Variants in FOXP2 observed in about 807,000 individuals in gnomAD.
The protein encoded by FOXP2 is forkhead box P2.
In FOXP2, 12 loss-of-function variants were observed where a neutral mutation model predicts 115.8. The observed-to-expected ratio is 0.10, with a 90% CI of 0.07 to 0.17. The LOEUF is 0.17. Among genes scored for constraint, FOXP2 ranks in the 10% least tolerant of loss-of-function variants. FOXP2 has a pLI of 1.00. For synonymous variants in FOXP2, 328 were observed against 297.7 expected (o/e 1.10, Z -1.05); for missense variants, 629 against 843.5 (o/e 0.75, Z 3.15).
chr7:114,452,787 T>A (rs1156376296), intron 2 of FOXP2, among the ~76,000 whole-genome samples: 1 of 152,068 alleles, frequency 6.6e-6, no homozygotes, highest in Non-Finnish European at 1.5e-5. Context: ...TTAAGAGTAA[T>A]CCTTAATCAG....
chr7:114,300,572 T>C (rs902619278), intron 2 of FOXP2, among the ~76,000 whole-genome samples: 19 of 152,048 alleles, frequency 1.2e-4, no homozygotes, highest in African/African-American at 4.6e-4. Context: ...CTCAACTGGT[T>C]GCAATTCTCT....
intron 13 of FOXP2, chr7:114,661,712 A>G: frequency 3.2e-6 from 1 of 312,226 alleles, no homozygotes; most frequent in South Asian, 2.9e-5. Context: ...CATTTCAACC[A>G]TCCCTGAGTG....
intron 10 of FOXP2, among the ~76,000 whole-genome samples, chr7:114,655,681 T>TG (rs1207149482): frequency 1.3e-5 from 2 of 152,124 alleles, no homozygotes; most frequent in African/African-American, 4.8e-5. Context: ...TCATGTGCAG[T>TG]GGCTCAGTTG....
intron 2 of FOXP2, among the ~76,000 whole-genome samples, chr7:114,533,183 A>G (rs973849949): frequency 3.3e-5 from 5 of 151,992 alleles, no homozygotes; most frequent in Admixed American, 1.3e-4. Context: ...AAACTATGCC[A>G]GATCCTGCTA....
chr7:114,103,438 T>A (rs1791037617), intron 1 of FOXP2, among the ~76,000 whole-genome samples: 1 of 152,118 alleles, frequency 6.6e-6, no homozygotes, highest in Non-Finnish European at 1.5e-5. Flanking sequence ...TTATTTATTT[T>A]TTTTAAGATA....
intron 3 of FOXP2, among the ~76,000 whole-genome samples, chr7:114,610,327 A>G (rs937160855): frequency 2.6e-5 from 4 of 152,166 alleles, no homozygotes; most frequent in Admixed American, 6.5e-5. Flanking sequence ...AAAAAATTCC[A>G]TGTTTTGGTA....
intron 1 of FOXP2, among the ~76,000 whole-genome samples, chr7:114,184,824 AATT>A (rs1320205161): frequency 6.6e-6 from 1 of 152,220 alleles, no homozygotes; most frequent in Non-Finnish European, 1.5e-5. Flanking sequence ...ACATTCATAT[AATT>A]TCATAAGTAG....
At chr7:114,350,238 T>C (rs1791450020) in intron 2 of FOXP2, among the ~76,000 whole-genome samples, 1 of 152,114 alleles carries the variant, frequency 6.6e-6, no homozygotes, top group Non-Finnish European at 1.5e-5. Context: ...CATCAACCCA[T>C]CATCTAGGTT....
At chr7:114,545,249 G>GAT (rs1222614042) in intron 3 of FOXP2, among the ~76,000 whole-genome samples, 1 of 152,112 alleles carries the variant, frequency 6.6e-6, no homozygotes, top group African/African-American at 2.4e-5. Flanking sequence ...CTGAACTAGT[G>GAT]ATACTTCAGG....
intron 3 of FOXP2, among the ~76,000 whole-genome samples, chr7:114,538,760 G>C (rs905466717): frequency 2.0e-5 from 3 of 151,648 alleles, no homozygotes; most frequent in Non-Finnish European, 4.4e-5. Flanking sequence ...TATCTTGTTG[G>C]ATATTAGCTT....
At chr7:114,286,586 G>A (rs1428239954) in intron 1 of FOXP2, among the ~76,000 whole-genome samples, 1 of 152,002 alleles carries the variant, frequency 6.6e-6, no homozygotes, top group Non-Finnish European at 1.5e-5. Context: ...TTAACATAAG[G>A]AAAGCCAAGA....
At chr7:114,649,678 G>A (rs570088741) in intron 8 of FOXP2, among the ~76,000 whole-genome samples, 36 of 152,010 alleles carry the variant, frequency 2.4e-4, no homozygotes, top group African/African-American at 7.5e-4. Flanking sequence ...TACTTTGATT[G>A]GCATAATTAA....
chr7:114,326,908 AC>A (rs1584638206), intron 2 of FOXP2, among the ~76,000 whole-genome samples: 1 of 152,186 alleles, frequency 6.6e-6, no homozygotes, highest in East Asian at 1.9e-4. Context: ...GTTTTTATTA[AC>A]CTGTATTGGA....
intron 1 of FOXP2, among the ~76,000 whole-genome samples, chr7:114,129,173 C>T (rs758414519): frequency 1.3e-5 from 2 of 152,084 alleles, no homozygotes; most frequent in Non-Finnish European, 2.9e-5. Flanking sequence ...ATAACACATC[C>T]CAGCATTTTT....
chr7:114,329,801 C>A (rs537960489), intron 2 of FOXP2, among the ~76,000 whole-genome samples: 1 of 151,816 alleles, frequency 6.6e-6, no homozygotes, highest in African/African-American at 2.4e-5. Context: ...CTCAGCCTCC[C>A]AAGTCGCTGG....
At chr7:114,599,684 G>T (rs1802919042) in intron 3 of FOXP2, among the ~76,000 whole-genome samples, 1 of 151,984 alleles carries the variant, frequency 6.6e-6, no homozygotes, top group African/African-American at 2.4e-5. Flanking sequence ...AGTCCATCTT[G>T]CGTGTATCTG....
At chr7:114,129,690 A>G (rs749052605) in intron 1 of FOXP2, among the ~76,000 whole-genome samples, 11 of 152,120 alleles carry the variant, frequency 7.2e-5, no homozygotes, top group Non-Finnish European at 1.6e-4. Flanking sequence ...ATTGTTTAGC[A>G]CTATGGTGTT....
At chr7:114,280,826 C>T (rs1796317257) in intron 1 of FOXP2, among the ~76,000 whole-genome samples, 1 of 152,032 alleles carries the variant, frequency 6.6e-6, no homozygotes, top group Non-Finnish European at 1.5e-5. Context: ...TTATTATTTT[C>T]CCAGGACAAA....
intron 1 of FOXP2, among the ~76,000 whole-genome samples, chr7:114,119,856 CA>C (rs1469537638): frequency 6.6e-6 from 1 of 152,142 alleles, no homozygotes; most frequent in East Asian, 1.9e-4. Flanking sequence ...GAACTTGTTA[CA>C]AACAGATTCC....
Sources: gnomAD v4.1 joint callset for allele counts (sites outside exome capture counted in the v4.1 genomes callset) on GRCh38, gnomAD v4.1.1 for gene constraint, MANE v1.5 for transcripts, NCBI Gene and HGNC (gene_info 2026-07-23, HGNC 2026-07-21) for gene names.